Variants in WWOX observed in about 807,000 individuals in gnomAD.
WWOX encodes the protein WW domain-containing oxidoreductase.
WWOX carries 69 observed loss-of-function variants against 46.2 expected under a neutral mutation model. The ratio of observed to expected loss-of-function variants is 1.49; its 90% CI spans 1.23 to 1.82. The LOEUF is 1.82. Ranked by LOEUF, WWOX falls within the 40% of genes most tolerant of loss-of-function variation. The pLI, the probability that WWOX is intolerant of heterozygous loss-of-function variation, is 0.00. For synonymous variants in WWOX, 359 were observed against 202.6 expected, an observed-to-expected ratio of 1.77 and a Z score of -6.56; for missense variants, 919 against 542.6, an observed-to-expected ratio of 1.69 and a Z score of -6.89.
At chr16:78,528,960 CTTTTTTTT>C (rs371609463) in intron 8 of WWOX, among the ~76,000 whole-genome samples, 3 of 126,804 alleles carry the variant, frequency 2.4e-5, no homozygotes, top group African/African-American at 6.1e-5. Context: ...TTCTTTCTTT[CTTTTTTTT>C]TTTTAGGGAG....
chr16:78,794,027 A>T (rs2050676095), intron 8 of WWOX, among the ~76,000 whole-genome samples: 1 of 152,232 alleles, frequency 6.6e-6, no homozygotes, highest in African/African-American at 2.4e-5. Context: ...AGCAGGCTAG[A>T]TTCAAATCCT....
Position 78,199,496 on chromosome 16 carries a change from G to C in WWOX, c.516+35207G>C, listed in dbSNP as rs185063877. On this transcript the variant is annotated intron_variant, in intron 5 of 8. Coordinates refer to ENST00000566780, the MANE Select transcript of WWOX (RefSeq NM_016373.4). ...CCTGTGTTGTATTTCCTGCTCTGCG[G>C]ATCCGGCATCATGACCTTTGTACTA... Among the ~76,000 whole-genome samples the C allele has an allele frequency of 2.0e-5, 3 of 152,150 alleles. No individual in the cohort carries two copies. In the East Asian group the frequency reaches 5.8e-4, roughly 29 times the overall value.
intron 8 of WWOX, among the ~76,000 whole-genome samples, chr16:78,714,804 G>C (rs1244818933): frequency 6.6e-6 from 1 of 152,154 alleles, no homozygotes; most frequent in Non-Finnish European, 1.5e-5. Flanking sequence ...TGTAAACCAA[G>C]GTGAGGACTT....
intron 8 of WWOX, among the ~76,000 whole-genome samples, chr16:78,957,126 G>A (rs940998979): frequency 6.6e-5 from 10 of 152,168 alleles, no homozygotes; most frequent in African/African-American, 2.4e-4. Flanking sequence ...TTTATATGCA[G>A]AAGGTTGAAA....
chr16:78,173,104 C>T (rs1234925591), intron 5 of WWOX, among the ~76,000 whole-genome samples: 1 of 152,178 alleles, frequency 6.6e-6, no homozygotes, highest in Non-Finnish European at 1.5e-5. Context: ...GCTGGGGCAG[C>T]ACGCCCTGCG....
intron 8 of WWOX, among the ~76,000 whole-genome samples, chr16:78,883,988 T>G (rs567579283): frequency 6.6e-6 from 1 of 152,006 alleles, no homozygotes; most frequent in Non-Finnish European, 1.5e-5. Flanking sequence ...CCCTAGAAAT[T>G]TCACTTCTGG....
intron 5 of WWOX, among the ~76,000 whole-genome samples, chr16:78,171,666 G>A (rs747199893): frequency 7.2e-5 from 11 of 152,090 alleles, no homozygotes; most frequent in East Asian, 1.9e-4. Context: ...GTAGATTACC[G>A]GGAAGAGCGC....
At chr16:78,862,038 T>C (rs1481150473) in intron 8 of WWOX, among the ~76,000 whole-genome samples, 1 of 146,924 alleles carries the variant, frequency 6.8e-6, no homozygotes, top group African/African-American at 2.4e-5. Flanking sequence ...TACACACATG[T>C]ATCTATTATA....
chr16:78,714,169 C>G (rs903747923), intron 8 of WWOX, among the ~76,000 whole-genome samples: 1 of 152,192 alleles, frequency 6.6e-6, no homozygotes, highest in Admixed American at 6.5e-5. Context: ...ATTTCTTCAA[C>G]ATATATGTCC....
intron 8 of WWOX, among the ~76,000 whole-genome samples, chr16:78,786,871 G>T (rs2050470303): frequency 6.6e-6 from 1 of 152,178 alleles, no homozygotes; most frequent in African/African-American, 2.4e-5. Context: ...TTTGGGGCTG[G>T]GCGTGGTGAC....
chr16:78,554,563 T>G (rs1219513253), intron 8 of WWOX, among the ~76,000 whole-genome samples: 1 of 152,194 alleles, frequency 6.6e-6, no homozygotes, highest in Non-Finnish European at 1.5e-5. Context: ...ATATATTGTA[T>G]GATACATATC....
chr16:78,919,792 G>A (rs1173843787), intron 8 of WWOX, among the ~76,000 whole-genome samples: 2 of 152,112 alleles, frequency 1.3e-5, no homozygotes, highest in Admixed American at 6.6e-5. Context: ...TGGGATTACA[G>A]GCATGAGCCA....
intron 8 of WWOX, among the ~76,000 whole-genome samples, chr16:78,740,702 G>A (rs762269792): frequency 7.2e-5 from 11 of 152,220 alleles, no homozygotes; most frequent in African/African-American, 2.2e-4. Context: ...CGATTGAAGC[G>A]CTAGTAATTG....
At chr16:78,691,223 C>T in intron 8 of WWOX, 1 of 702,054 alleles carries the variant, frequency 1.4e-6, no homozygotes, top group Non-Finnish European at 2.6e-6. Flanking sequence ...AGCTATGCTT[C>T]TCTTGTTTGT....
intron 8 of WWOX, among the ~76,000 whole-genome samples, chr16:78,753,850 A>ATATATATG (rs1555529345): frequency 4.6e-5 from 4 of 87,326 alleles, no homozygotes; most frequent in Non-Finnish European, 6.3e-5. Context: ...ATATATATAT[A>ATATATATG]TATATGTATA....
intron 8 of WWOX, among the ~76,000 whole-genome samples, chr16:78,598,789 G>A (rs976752953): frequency 6.6e-6 from 1 of 152,130 alleles, no homozygotes; most frequent in Non-Finnish European, 1.5e-5. Flanking sequence ...CTGGAGTCTT[G>A]GCTTTTGTGC....
chr16:78,603,922 G>A (rs1439908478), intron 8 of WWOX, among the ~76,000 whole-genome samples: 1 of 151,992 alleles, frequency 6.6e-6, no homozygotes, highest in Non-Finnish European at 1.5e-5. Flanking sequence ...TGGGAGGATT[G>A]CTTGAGCCTA....
At chr16:78,106,428 T>TTTG (rs201113176) in intron 1 of WWOX, among the ~76,000 whole-genome samples, 1 of 148,098 alleles carries the variant, frequency 6.8e-6, no homozygotes, top group Non-Finnish European at 1.5e-5. Context: ...TTTGTTTTTT[T>TTTG]TTTTTTTTTT....
chr16:78,914,870 C>T (rs565506513), intron 8 of WWOX, among the ~76,000 whole-genome samples: 2 of 126,648 alleles, frequency 1.6e-5, no homozygotes, highest in African/African-American at 6.3e-5. Context: ...CAGAGCGAGA[C>T]TCCGCCTCAG....
Sources: allele counts gnomAD v4.1 joint callset (sites outside exome capture counted in the v4.1 genomes callset), GRCh38; gene constraint gnomAD v4.1.1; transcripts MANE v1.5; gene names NCBI Gene and HGNC (gene_info 2026-07-23, HGNC 2026-07-21).